The following NUP93 variants were observed in gnomAD, a reference collection of about 807,000 sequenced individuals.
NUP93 encodes nuclear pore complex protein Nup93.
In NUP93, 55 loss-of-function variants were observed where a neutral mutation model predicts 107.8. That is an observed-to-expected ratio of 0.51 (90% CI 0.41 to 0.64). The LOEUF (loss-of-function observed/expected upper bound fraction) is 0.64, where lower values mean the gene tolerates loss of function less well. Ranked by LOEUF, NUP93 falls within the 30% of genes least tolerant of loss-of-function variation. NUP93 has a pLI of 0.00. For synonymous variants in NUP93, 390 were observed against 397.5 expected, an observed-to-expected ratio of 0.98 and a Z score of 0.22; for missense variants, 937 against 1,044.7, an observed-to-expected ratio of 0.90 and a Z score of 1.42.
At chr16:56,831,111 G>C (rs760178996) in intron 10 of NUP93, among the ~76,000 whole-genome samples, 1 of 152,212 alleles carries the variant, frequency 6.6e-6, no homozygotes, top group African/African-American at 2.4e-5. Flanking sequence ...AGAATTAGAA[G>C]TTAGTAAAAT....
intron 1 of NUP93, among the ~76,000 whole-genome samples, chr16:56,745,823 C>G (rs983039976): frequency 1.3e-5 from 2 of 152,076 alleles, no homozygotes; most frequent in African/African-American, 4.8e-5. Flanking sequence ...AAAAACAATT[C>G]TATATAATTA....
chr16:56,846,434 G>C lies in NUP93; in HGVS notation c.*1825G>C, dbSNP rs1329535654. The C allele has an allele frequency of 6.6e-6, 1 of 152,094 alleles. No individual in the cohort carries two copies. The highest frequency in any genetic ancestry group is 1.5e-5 in the Non-Finnish European group (1 of 68,060). 9.4% of individuals were successfully genotyped at this position (152,094 alleles called of 1,614,324 possible). ...AAAAAATAAAGAGTACTCTGGCCGA[G>C]TGCAGTGGCTCACGCCTGTAACCCC... is the stretch of plus-strand genomic sequence containing the variant. On this transcript the variant is annotated 3_prime_UTR_variant, in exon 22 of 22. Transcript: ENST00000308159.
intron 3 of NUP93, among the ~76,000 whole-genome samples, chr16:56,772,103 C>G (rs1298363606): frequency 6.6e-6 from 1 of 152,108 alleles, no homozygotes; most frequent in Non-Finnish European, 1.5e-5. Context: ...GCCACCTGTC[C>G]CCTTGCCTCA....
At chr16:56,771,829 T>C (rs1962327428) in intron 3 of NUP93, among the ~76,000 whole-genome samples, 2 of 152,178 alleles carry the variant, frequency 1.3e-5, no homozygotes, top group Admixed American at 6.5e-5. Flanking sequence ...AGGTCATTGC[T>C]CCCAAGCAAA....
At position 56,849,003 on chromosome 16, in the gene NUP93, T is replaced by C. The variant is rs924117845; in HGVS notation, c.*4394T>C. The C allele has an allele frequency of 2.0e-4, 30 of 152,234 alleles. No homozygotes were observed. Among genetic ancestry groups the C allele is most frequent in the Non-Finnish European group, 4.0e-4 (27 of 68,044 alleles). The allele number at this position is 152,234 out of a possible 1,614,324, so 9.4% of individuals were successfully genotyped here. On this transcript the variant is annotated 3_prime_UTR_variant, in exon 22 of 22. Coordinates refer to ENST00000308159, the MANE Select transcript of NUP93 (RefSeq NM_014669.5). The stretch of plus-strand genomic sequence containing the variant: ...TGGTTTTTGAAATATGCTTCTCCTG[T>C]GTGCCCTCTCTGGGGTATCTGGCCC...
chr16:56,756,426 G>C (rs1301193185), intron 2 of NUP93, among the ~76,000 whole-genome samples: 2 of 151,070 alleles, frequency 1.3e-5, no homozygotes, highest in Non-Finnish European at 2.9e-5. Context: ...AGTTTGCTGA[G>C]AATGATAGCT....
At chr16:56,748,152 G>A in intron 1 of NUP93, 82 bp from the exon 2 acceptor site, 1 of 971,412 alleles carries the variant, frequency 1.0e-6, no homozygotes, top group Non-Finnish European at 1.5e-6. Context: ...CTGCTGTTTT[G>A]TTAAGCTTGT....
intron 5 of NUP93, among the ~76,000 whole-genome samples, chr16:56,814,241 C>T (rs1157294993): frequency 6.6e-6 from 1 of 152,114 alleles, no homozygotes; most frequent in African/African-American, 2.4e-5. Context: ...AATGCGGTGG[C>T]GCAATCTCAG....
chr16:56,808,499 TAAATATATAGTTATGTAACTATATATAA>T (rs1328818796), intron 5 of NUP93, among the ~76,000 whole-genome samples: 9 of 99,664 alleles, frequency 9.0e-5, no homozygotes, highest in African/African-American at 3.4e-4. Flanking sequence ...TGTAACTATA[TAAATATATAGTTATGTAACTATATATAA>T]ATATAGTTAT....
At chr16:56,768,431 C>T (rs909298866) in intron 3 of NUP93, among the ~76,000 whole-genome samples, 17 of 151,928 alleles carry the variant, frequency 1.1e-4, no homozygotes, top group East Asian at 5.8e-4. Flanking sequence ...GGCGTGGTGG[C>T]GCATGCCTGT....
intron 3 of NUP93, among the ~76,000 whole-genome samples, chr16:56,795,792 G>A (rs1244067853): frequency 6.6e-6 from 1 of 151,906 alleles, no homozygotes; most frequent in African/African-American, 2.4e-5. Context: ...GATTATAGGC[G>A]CCCGCCACCA....
At chr16:56,775,750 T>C (rs1021982102) in intron 3 of NUP93, among the ~76,000 whole-genome samples, 14 of 152,188 alleles carry the variant, frequency 9.2e-5, no homozygotes, top group African/African-American at 3.4e-4. Context: ...TGCCCCTATT[T>C]TGAGATGAGG....
At chr16:56,788,150 C>T (rs1302124542) in intron 3 of NUP93, among the ~76,000 whole-genome samples, 1 of 152,194 alleles carries the variant, frequency 6.6e-6, no homozygotes, top group Non-Finnish European at 1.5e-5. Context: ...AGTCTGACAG[C>T]AGTTGCCTGG....
At chr16:56,744,205 T>C (rs141515110) in intron 1 of NUP93, among the ~76,000 whole-genome samples, 2 of 152,358 alleles carry the variant, frequency 1.3e-5, no homozygotes, top group Admixed American at 6.5e-5. Context: ...ACACATGGCT[T>C]GGACTTCAAT....
chr16:56,746,072 A>G (rs1961816120), intron 1 of NUP93, among the ~76,000 whole-genome samples: 1 of 152,144 alleles, frequency 6.6e-6, no homozygotes, highest in African/African-American at 2.4e-5. Context: ...GGGATTTCCA[A>G]AGTTTTCCTC....
intron 1 of NUP93, among the ~76,000 whole-genome samples, chr16:56,746,193 C>G (rs1413591675): frequency 6.6e-6 from 1 of 152,022 alleles, no homozygotes; most frequent in South Asian, 2.1e-4. Context: ...GAAGGGAATG[C>G]TTTGTTTTTC....
rs1457951652 is a variant in NUP93 at position 56,752,103 on chromosome 16, C to CA, written c.179+3681dup. 3.3e-5 allele frequency among the ~76,000 whole-genome samples: 5 copies of CA among 152,150 alleles called. No individual in the cohort carries two copies. The East Asian group carries it at 9.6e-4, about 29-fold the overall frequency. ...GATAATTTTTAAATTCTGAGGTTCT[C>CA]AAAATCCTGGTATATATTAAAATTA... On this transcript the variant is annotated intron_variant, in intron 2 of 21. Coordinates refer to ENST00000308159, the MANE Select transcript of NUP93 (RefSeq NM_014669.5).
intron 3 of NUP93, among the ~76,000 whole-genome samples, chr16:56,789,413 CT>C (rs1331264991): frequency 6.6e-6 from 1 of 152,144 alleles, no homozygotes; most frequent in South Asian, 2.1e-4. Flanking sequence ...TTGTGTGAAC[CT>C]TTTTTTAGCC....
At chr16:56,764,162 A>G (rs1400134696) in intron 3 of NUP93, among the ~76,000 whole-genome samples, 1 of 152,230 alleles carries the variant, frequency 6.6e-6, no homozygotes, top group Non-Finnish European at 1.5e-5. Flanking sequence ...TCTTTTAAAT[A>G]GAAAGAAGAA....
Sources: allele counts gnomAD v4.1 joint callset (sites outside exome capture counted in the v4.1 genomes callset), GRCh38; gene constraint gnomAD v4.1.1; transcripts MANE v1.5; gene names NCBI Gene and HGNC (gene_info 2026-07-23, HGNC 2026-07-21).